GRM8: variants seen among roughly 807,000 people sequenced by gnomAD.
GRM8 encodes glutamate metabotropic receptor 8.
A neutral mutation model predicts 87.2 loss-of-function variants in GRM8; 47 were observed. That is an observed-to-expected ratio of 0.54 (90% CI 0.43 to 0.69). The LOEUF (loss-of-function observed/expected upper bound fraction) is 0.69, where lower values mean the gene tolerates loss of function less well. Among genes scored for constraint, GRM8 ranks in the 30% least tolerant of loss-of-function variants. The probability of loss-of-function intolerance (pLI) is 0.00; values close to 1 mark genes in which losing one functional copy is unlikely to be tolerated. For synonymous variants in GRM8, 396 were observed against 404.5 expected (o/e 0.98, Z 0.25); for missense variants, 1,019 against 1,139.2 (o/e 0.89, Z 1.52).
chr7:127,095,377 G>A (rs1240531361), intron 3 of GRM8, among the ~76,000 whole-genome samples: 2 of 152,150 alleles, frequency 1.3e-5, no homozygotes, highest in African/African-American at 4.8e-5. Flanking sequence ...CAAGGGCATG[G>A]GTGATGCTGG....
chr7:126,802,031 T>C (rs977920780), intron 6 of GRM8, among the ~76,000 whole-genome samples: 3 of 152,208 alleles, frequency 2.0e-5, no homozygotes, highest in African/African-American at 7.2e-5. Context: ...TACGTTTCCC[T>C]TGTTATGTTA....
chr7:126,923,037 G>T (rs775165481), intron 3 of GRM8, among the ~76,000 whole-genome samples: 1 of 152,154 alleles, frequency 6.6e-6, no homozygotes, highest in Non-Finnish European at 1.5e-5. Flanking sequence ...TTATACCAAT[G>T]CAAGAACAAA....
At chr7:127,120,463 C>T (rs1827016251) in intron 2 of GRM8, among the ~76,000 whole-genome samples, 2 of 152,186 alleles carry the variant, frequency 1.3e-5, no homozygotes, top group Non-Finnish European at 2.9e-5. Context: ...TCAGCATCAC[C>T]TGGGAGCTTC....
intron 6 of GRM8, among the ~76,000 whole-genome samples, chr7:126,892,626 A>C (rs1801160606): frequency 6.6e-6 from 1 of 152,122 alleles, no homozygotes; most frequent in Non-Finnish European, 1.5e-5. Context: ...CAGCAGCATG[A>C]TTTATAGTCC....
chr7:126,533,103 A>C lies in GRM8; in HGVS notation c.2279T>G (p.Met760Arg). The change falls in exon 9 of 11, where the codon ATG (methionine) becomes AGG (arginine). Residue 760 changes from methionine (M) to arginine (R), a missense_variant. By Grantham distance (91) the Met-to-Arg change is moderately conservative (BLOSUM62 -1). Transcript: ENST00000339582. ...AATGGCATAAACAGTACAAGTGACC[A>C]TCAAGAGGATACTGTATCCAAGTGA... Reference protein sequence around the residue: ...ICSLGYSILLMVTCTVYAIKT... With the variant: ...ICSLGYSILLRVTCTVYAIKT... The C allele has an allele frequency of 1.2e-6, 2 of 1,613,634 alleles. No individual in the cohort carries two copies. The highest frequency in any genetic ancestry group is 1.7e-6 in the Non-Finnish European group (2 of 1,179,890).
At chr7:126,474,394 G>A (rs1221917543) in intron 9 of GRM8, among the ~76,000 whole-genome samples, 1 of 152,046 alleles carries the variant, frequency 6.6e-6, no homozygotes, top group Non-Finnish European at 1.5e-5. Context: ...TCAGCCTCCT[G>A]AGTAGCTGGG....
intron 9 of GRM8, among the ~76,000 whole-genome samples, chr7:126,466,167 A>T (rs894119408): frequency 6.6e-6 from 1 of 151,598 alleles, no homozygotes; most frequent in Non-Finnish European, 1.5e-5. Flanking sequence ...TTCTTAAAAA[A>T]GGTACTTTTT....
At position 126,758,176 on chromosome 7, in the gene GRM8, A is replaced by C. The variant is rs368066418; in HGVS notation, c.1357+11689T>G. On this transcript the variant is annotated intron_variant, in intron 7 of 10. Coordinates refer to ENST00000339582, the MANE Select transcript of GRM8 (RefSeq NM_000845.3). ...TTTTATGTGTGTATGCTTGAAATTC[A>C]GTAAATATATACTGAGGGTTTATTG... is the stretch of plus-strand genomic sequence containing the variant. 1.3e-4 allele frequency among the ~76,000 whole-genome samples: 20 copies of C among 152,310 alleles called. No individual in the cohort carries two copies. The East Asian group carries it at 3.5e-3, about 26-fold the overall frequency.
chr7:127,212,957 C>A (rs1242250305), intron 2 of GRM8, among the ~76,000 whole-genome samples: 2 of 152,190 alleles, frequency 1.3e-5, no homozygotes, highest in East Asian at 3.8e-4. Flanking sequence ...GTAAATTCAA[C>A]AGATAGATTT....
chr7:126,746,532 G>C (rs983209724), intron 7 of GRM8, among the ~76,000 whole-genome samples: 2 of 151,546 alleles, frequency 1.3e-5, no homozygotes, highest in African/African-American at 4.8e-5. Context: ...TTAATTTTTA[G>C]ATAGTATTAA....
At chr7:127,158,359 C>G (rs1440849076) in intron 2 of GRM8, among the ~76,000 whole-genome samples, 5 of 152,164 alleles carry the variant, frequency 3.3e-5, no homozygotes, top group African/African-American at 1.2e-4. Flanking sequence ...CGTCCACTCT[C>G]TTGTCAGTGG....
intron 7 of GRM8, among the ~76,000 whole-genome samples, chr7:126,721,665 C>T (rs955831479): frequency 2.0e-5 from 3 of 152,032 alleles, no homozygotes; most frequent in South Asian, 2.1e-4. Flanking sequence ...ACCTCTCCTG[C>T]ACTCCTCTGA....
At chr7:126,720,426 G>C (rs1812266657) in intron 7 of GRM8, among the ~76,000 whole-genome samples, 1 of 152,088 alleles carries the variant, frequency 6.6e-6, no homozygotes, top group Admixed American at 6.6e-5. Context: ...AACTGTGCCT[G>C]ACCACAAGTT....
chr7:126,648,208 A>G (rs1803392304), intron 7 of GRM8, among the ~76,000 whole-genome samples: 1 of 152,156 alleles, frequency 6.6e-6, no homozygotes, highest in Non-Finnish European at 1.5e-5. Flanking sequence ...CAGTGTCACC[A>G]AAGAGTCCTT....
intron 6 of GRM8, among the ~76,000 whole-genome samples, chr7:126,888,970 A>G (rs527582370): frequency 3.3e-5 from 5 of 152,302 alleles, no homozygotes; most frequent in South Asian, 2.1e-4. Context: ...AAAGTGATAC[A>G]TGGGTGGAAT....
intron 8 of GRM8, among the ~76,000 whole-genome samples, chr7:126,542,787 A>C (rs1168808942): frequency 6.6e-6 from 1 of 152,196 alleles, no homozygotes; most frequent in Non-Finnish European, 1.5e-5. Flanking sequence ...AATTTTAGAG[A>C]AATCACTGTG....
At position 127,003,811 on chromosome 7, in the gene GRM8, A is replaced by G. The variant is rs193250811; in HGVS notation, c.728-99128T>C. Among the ~76,000 whole-genome samples the G allele has an allele frequency of 1.3e-4, 20 of 151,916 alleles. No individual in the cohort carries two copies. In the East Asian group the frequency reaches 3.9e-3, roughly 29 times the overall value. Reference sequence around the variant, plus strand: ...TACTAAATAGATGGGAACTAAGACCATAACAGAGAGATAATCCAACTACAA... The same window carrying G: ...TACTAAATAGATGGGAACTAAGACCGTAACAGAGAGATAATCCAACTACAA... On this transcript the variant is annotated intron_variant, in intron 3 of 10. Transcript: ENST00000339582.
chr7:126,707,266 A>C (rs1696262117), intron 7 of GRM8, among the ~76,000 whole-genome samples: 2 of 152,186 alleles, frequency 1.3e-5, no homozygotes, highest in Non-Finnish European at 2.9e-5. Context: ...CACCTCCACA[A>C]AAAGACTATA....
chr7:127,066,980 C>T (rs1476162340), intron 3 of GRM8, among the ~76,000 whole-genome samples: 2 of 152,156 alleles, frequency 1.3e-5, no homozygotes, highest in Non-Finnish European at 2.9e-5. Context: ...AGTGGTTTGC[C>T]TAAAACTGCC....
Sources: gnomAD v4.1 joint callset for allele counts (sites outside exome capture counted in the v4.1 genomes callset) on GRCh38, gnomAD v4.1.1 for gene constraint, MANE v1.5 for transcripts, NCBI Gene and HGNC (gene_info 2026-07-23, HGNC 2026-07-21) for gene names.